Variants in LRRC38 observed in about 807,000 individuals in gnomAD.
The protein encoded by LRRC38 is leucine rich repeat containing 38, also known as leucine-rich repeat-containing protein 38.
LRRC38 carries 5 observed loss-of-function variants against 16.4 expected under a neutral mutation model. The ratio of observed to expected loss-of-function variants is 0.31; its 90% CI spans 0.16 to 0.64. The LOEUF (loss-of-function observed/expected upper bound fraction) is 0.64. LRRC38 is among the 30% of genes least tolerant of loss of function. The pLI is 0.80. For synonymous variants in LRRC38, 191 were observed against 190.2 expected, an observed-to-expected ratio of 1.00 and a Z score of -0.04; for missense variants, 341 against 401.8, an observed-to-expected ratio of 0.85 and a Z score of 1.29.
At chr1:13,512,063 G>A (rs1639279868) in intron 1 of LRRC38, among the ~76,000 whole-genome samples, 1 of 152,224 alleles carries the variant, frequency 6.6e-6, no homozygotes, top group Non-Finnish European at 1.5e-5. Context: ...AGGAGGCAGA[G>A]TTCAGCTCTG....
rs1638778096 is a variant in LRRC38 at position 13,475,729 on chromosome 1, C to T, written c.*117G>A. On this transcript the variant is annotated 3_prime_UTR_variant, in exon 2 of 2. Coordinates refer to ENST00000376085, the MANE Select transcript of LRRC38 (RefSeq NM_001010847.2). This position sits in a 1 kb window ranked among gnomAD's most constrained non-coding sequence, Gnocchi z 4.3. ...CCCAGGGGCCAAGACACGGAACAGG[C>T]TCTGTTCAGTTCACAGATGGTGGCC... The T allele has an allele frequency of 1.5e-6, 2 of 1,330,132 alleles. No individual in the cohort carries two copies. Among genetic ancestry groups the T allele is most frequent in the Non-Finnish European group, 2.0e-6 (2 of 980,794 alleles). 82.4% of individuals were successfully genotyped at this position (1,330,132 alleles called of 1,614,324 possible). A position where few individuals can be genotyped will look rare whatever the true frequency, so the allele number is the denominator to read the frequency against.
intron 1 of LRRC38, among the ~76,000 whole-genome samples, chr1:13,499,287 C>T (rs1457745811): frequency 1.3e-5 from 2 of 152,078 alleles, no homozygotes; most frequent in African/African-American, 2.4e-5. Flanking sequence ...TTAGTAGAGA[C>T]GGGGTTTCAC....
rs1638950789 is a variant in LRRC38, at chr1:13,487,598, G to C, written c.632-11499C>G. On this transcript the variant is annotated intron_variant, in intron 1 of 1. Transcript: ENST00000376085. The surrounding 1 kb of genome is among the most constrained non-coding windows in gnomAD (Gnocchi z 4.4). ...AAGAGACAGGCATCTCCCTTGTGCA[G>C]GGCGGCTCCGTGGCCTGCCCGTCAC... is the stretch of plus-strand genomic sequence containing the variant. Among the ~76,000 whole-genome samples the C allele has an allele frequency of 6.6e-6, 1 of 152,214 alleles. No individual in the cohort carries two copies. The highest frequency in any genetic ancestry group is 2.1e-4 in the South Asian group (1 of 4,826).
chr1:13,488,418 C>G (rs937314206), intron 1 of LRRC38, among the ~76,000 whole-genome samples: 1 of 152,022 alleles, frequency 6.6e-6, no homozygotes, highest in Non-Finnish European at 1.5e-5. Context: ...ATTACAGGCA[C>G]TTGCCACCAT....
chr1:13,500,581 C>T (rs1007738977), intron 1 of LRRC38, among the ~76,000 whole-genome samples: 13 of 152,194 alleles, frequency 8.5e-5, no homozygotes, highest in South Asian at 2.1e-4. Flanking sequence ...CTTTCCGGAC[C>T]GAACCAAGGT....
At chr1:13,480,099 C>T (rs148248447) in intron 1 of LRRC38, among the ~76,000 whole-genome samples, 2 of 152,304 alleles carry the variant, frequency 1.3e-5, no homozygotes, top group East Asian at 1.9e-4. Flanking sequence ...AATCCCAGCA[C>T]TTTGGGAGGC....
At chr1:13,488,266 C>CTT (rs113805396) in intron 1 of LRRC38, among the ~76,000 whole-genome samples, 6 of 140,350 alleles carry the variant, frequency 4.3e-5, no homozygotes, top group African/African-American at 8.0e-5. Flanking sequence ...GCCTTGCACA[C>CTT]TTTTTTTTTT....
chr1:13,510,899 A>C (rs982152025), intron 1 of LRRC38, among the ~76,000 whole-genome samples: 2 of 152,064 alleles, frequency 1.3e-5, no homozygotes, highest in Admixed American at 1.3e-4. Context: ...TGGAACCTCC[A>C]CCACCCACCC....
At chr1:13,489,795 A>G (rs1372438839) in intron 1 of LRRC38, among the ~76,000 whole-genome samples, 1 of 152,122 alleles carries the variant, frequency 6.6e-6, no homozygotes, top group Non-Finnish European at 1.5e-5. Flanking sequence ...GCATACAGGG[A>G]AAATTCCCAA....
At chr1:13,500,450 T>C (rs1391393253) in intron 1 of LRRC38, among the ~76,000 whole-genome samples, 1 of 152,222 alleles carries the variant, frequency 6.6e-6, no homozygotes, top group Non-Finnish European at 1.5e-5. Flanking sequence ...CACTGTGGCA[T>C]AAGTGACTAT....
At chr1:13,501,940 T>C (rs907433968) in intron 1 of LRRC38, among the ~76,000 whole-genome samples, 1 of 151,712 alleles carries the variant, frequency 6.6e-6, no homozygotes, top group Admixed American at 6.6e-5. Context: ...TTTTTTTTTT[T>C]GGTGGGGGAT....
At chr1:13,491,027 A>G (rs1173429912) in intron 1 of LRRC38, among the ~76,000 whole-genome samples, 1 of 152,248 alleles carries the variant, frequency 6.6e-6, no homozygotes, top group Non-Finnish European at 1.5e-5. Flanking sequence ...AACTACGATG[A>G]GTACTTCCCG....
chr1:13,499,343 C>T (rs1043006587), intron 1 of LRRC38, among the ~76,000 whole-genome samples: 3 of 152,204 alleles, frequency 2.0e-5, no homozygotes, highest in African/African-American at 7.2e-5. Context: ...AAGTGATCCA[C>T]CCGCCCCGGC....
At chr1:13,480,741 T>C (rs1638842771) in intron 1 of LRRC38, among the ~76,000 whole-genome samples, 1 of 152,216 alleles carries the variant, frequency 6.6e-6, no homozygotes. Context: ...CTCCTTCACC[T>C]TCCACCATGA....
In LRRC38 at chr1:13,503,723, G is replaced by A. The variant is rs117745000; in HGVS notation, c.631+9240C>T. 1.3e-3 allele frequency among the ~76,000 whole-genome samples: 203 copies of A among 152,322 alleles called. 2 individuals are homozygous for A. The East Asian group carries it at 0.031, about 23-fold the overall frequency. On this transcript the variant is annotated intron_variant, in intron 1 of 1. Transcript: ENST00000376085. ...TCTGAGAGATGAGAAGGCTGAAGCC[G>A]AGAAAAGCACGTGACTCGGAGGACC...
Position 13,487,338 on chromosome 1 carries a change from T to C in LRRC38, c.632-11239A>G, listed in dbSNP as rs540912532. Among the ~76,000 whole-genome samples the C allele has an allele frequency of 6.6e-6, 1 of 152,306 alleles. No individual in the cohort carries two copies. Among genetic ancestry groups the C allele is most frequent in the South Asian group, 2.1e-4 (1 of 4,832 alleles). On this transcript the variant is annotated intron_variant, in intron 1 of 1. Transcript: ENST00000376085. The surrounding 1 kb of genome is among the most constrained non-coding windows in gnomAD (Gnocchi z 4.4). ...TGGGTCCTGTTGTTCTATAAAACCA[T>C]GTGCTTGGTGGCATGAGGGCTTTGG...
chr1:13,510,063 A>C (rs745605152), intron 1 of LRRC38, among the ~76,000 whole-genome samples: 36 of 152,012 alleles, frequency 2.4e-4, no homozygotes, highest in Non-Finnish European at 3.7e-4. Flanking sequence ...GGTGCTCCCC[A>C]CTTTTGTGTC....
intron 1 of LRRC38, among the ~76,000 whole-genome samples, chr1:13,476,345 T>A (rs1429183620): frequency 7.7e-6 from 1 of 130,448 alleles, no homozygotes; most frequent in East Asian, 2.5e-4. Context: ...TTGTTTTTTG[T>A]TTTTTGTTTT....
intron 1 of LRRC38, among the ~76,000 whole-genome samples, chr1:13,480,116 G>A (rs961567395): frequency 3.3e-5 from 5 of 152,210 alleles, no homozygotes; most frequent in African/African-American, 7.2e-5. Context: ...AGGCCGAGGC[G>A]GGTGGATTAC....
Sources: gnomAD v4.1 joint callset for allele counts (sites outside exome capture counted in the v4.1 genomes callset) on GRCh38, gnomAD v4.1.1 for gene constraint, Gnocchi (gnomAD v3.1) non-coding constraint, MANE v1.5 for transcripts, NCBI Gene and HGNC (gene_info 2026-07-23, HGNC 2026-07-21) for gene names.